Variants in DIAPH1 observed in about 807,000 individuals in gnomAD.
DIAPH1 encodes the protein protein diaphanous homolog 1.
DIAPH1 carries 46 observed loss-of-function variants against 140.7 expected under a neutral mutation model. That is an observed-to-expected ratio of 0.33 (90% CI 0.26 to 0.42). The LOEUF (loss-of-function observed/expected upper bound fraction) is 0.42, where lower values mean the gene tolerates loss of function less well. Among genes scored for constraint, DIAPH1 ranks in the 10% least tolerant of loss-of-function variants. The probability of loss-of-function intolerance (pLI) is 1.00; values close to 1 mark genes in which losing one functional copy is unlikely to be tolerated. For synonymous variants in DIAPH1, 565 were observed against 551.6 expected, an observed-to-expected ratio of 1.02 and a Z score of -0.34; for missense variants, 1,310 against 1,558.7, an observed-to-expected ratio of 0.84 and a Z score of 2.69.
chr5:141,559,302 G>GA (rs1436313714), intron 18 of DIAPH1, among the ~76,000 whole-genome samples: 1 of 152,122 alleles, frequency 6.6e-6, no homozygotes, highest in Non-Finnish European at 1.5e-5. Context: ...ATTATAGAAG[G>GA]AAAAAATATC....
intron 18 of DIAPH1, among the ~76,000 whole-genome samples, chr5:141,547,128 T>C (rs563364474): frequency 6.6e-6 from 1 of 151,942 alleles, no homozygotes; most frequent in Non-Finnish European, 1.5e-5. Context: ...GAGGAAAAAA[T>C]AAAAATAAAT....
rs773306502 is a variant in DIAPH1, at chr5:141,577,146, G to A, written c.1281-275C>T. ...TTTGCGTTTGATCCTTCCTGTGATG[G>A]ATAGTGCTATTGCTAAATCTATACT... is the stretch of plus-strand genomic sequence containing the variant. On this transcript the variant is annotated intron_variant, in intron 12 of 27. Coordinates refer to ENST00000389054, the MANE Select transcript of DIAPH1 (RefSeq NM_005219.5). Among the ~76,000 whole-genome samples the A allele has an allele frequency of 2.9e-4, 44 of 152,254 alleles. 1 individual carries two copies. Among genetic ancestry groups the A allele is most frequent in the Non-Finnish European group, 4.6e-4 (31 of 68,032 alleles).
chr5:141,559,931 A>T (rs938627857), intron 18 of DIAPH1, among the ~76,000 whole-genome samples: 32 of 152,238 alleles, frequency 2.1e-4, no homozygotes, highest in Non-Finnish European at 4.3e-4. Context: ...ATCCCCATGC[A>T]TACATCACTC....
chr5:141,564,862 T>TAACC (rs1251646093), intron 18 of DIAPH1: 12 of 152,236 alleles, frequency 7.9e-5, no homozygotes, highest in Non-Finnish European at 1.6e-4. Context: ...GTAAGAAAGA[T>TAACC]AACCCCTGGT....
chr5:141,550,667 G>A (rs192219691), intron 18 of DIAPH1, among the ~76,000 whole-genome samples: 1 of 152,120 alleles, frequency 6.6e-6, no homozygotes, highest in African/African-American at 2.4e-5. Flanking sequence ...CCAGGCTGGA[G>A]TGCAGTGGCA....
intron 27 of DIAPH1, among the ~76,000 whole-genome samples, chr5:141,520,701 C>A (rs902492177): frequency 6.6e-6 from 1 of 152,098 alleles, no homozygotes; most frequent in African/African-American, 2.4e-5. Context: ...ATGAGAGCAC[C>A]TTCCTGAAGC....
At chr5:141,609,066 C>T (rs557513054) in intron 1 of DIAPH1, among the ~76,000 whole-genome samples, 3 of 148,642 alleles carry the variant, frequency 2.0e-5, no homozygotes, top group East Asian at 2.0e-4. Flanking sequence ...ATGAGCCAAG[C>T]GAAAGATAGG....
intron 1 of DIAPH1, among the ~76,000 whole-genome samples, chr5:141,611,792 C>T (rs1299971319): frequency 6.6e-6 from 1 of 152,136 alleles, no homozygotes; most frequent in Non-Finnish European, 1.5e-5. Context: ...TGCAGCTGGG[C>T]ACAGTGGCTC....
intron 1 of DIAPH1, among the ~76,000 whole-genome samples, chr5:141,606,196 C>T (rs2099900922): frequency 6.6e-6 from 1 of 152,090 alleles, no homozygotes; most frequent in Non-Finnish European, 1.5e-5. Context: ...GCCACTAGTA[C>T]TTTTTGTGGA....
At position 141,527,471 on chromosome 5, in the gene DIAPH1, G is replaced by GA. The variant is rs1246184779; in HGVS notation, c.3273+101dup. 4.5e-6 allele frequency: 6 copies of GA among 1,332,580 alleles called. No homozygotes were observed. In the African/African-American group the frequency reaches 6.0e-5, roughly 13 times the overall value. The allele number at this position is 1,332,580 out of a possible 1,614,324, so 82.5% of individuals were successfully genotyped here. A position where few individuals can be genotyped will look rare whatever the true frequency, so the allele number is the denominator to read the frequency against. On this transcript the variant is annotated intron_variant, in intron 24 of 27. Transcript: ENST00000389054. ...TTTAAAGAAAAAGAGTTTTTTAAGA[G>GA]AAAAAAATTGCATACTGCCCTATCT... is the stretch of plus-strand genomic sequence containing the variant.
At chr5:141,542,235 C>T (rs2099890100) in intron 18 of DIAPH1, among the ~76,000 whole-genome samples, 1 of 152,112 alleles carries the variant, frequency 6.6e-6, no homozygotes, top group Non-Finnish European at 1.5e-5. Context: ...AGTTCGAGAC[C>T]AGCCTGGCCA....
intron 16 of DIAPH1, among the ~76,000 whole-genome samples, chr5:141,572,872 G>A (rs577464552): frequency 2.6e-5 from 4 of 152,236 alleles, no homozygotes; most frequent in African/African-American, 9.6e-5. Context: ...ATTATCAGTA[G>A]TTTGCAGACT....
intron 1 of DIAPH1, among the ~76,000 whole-genome samples, chr5:141,596,538 T>G (rs2154596974): frequency 6.6e-6 from 1 of 152,228 alleles, no homozygotes; most frequent in East Asian, 1.9e-4. Context: ...GAGATGTCTG[T>G]AAATGTAAAA....
At chr5:141,568,048 A>G (rs1304968246) in intron 18 of DIAPH1, among the ~76,000 whole-genome samples, 1 of 152,238 alleles carries the variant, frequency 6.6e-6, no homozygotes, top group Non-Finnish European at 1.5e-5. Context: ...CTAATGTTCC[A>G]TATTGTTTCT....
intron 27 of DIAPH1, among the ~76,000 whole-genome samples, chr5:141,520,093 C>T (rs966782357): frequency 6.6e-6 from 1 of 152,096 alleles, no homozygotes; most frequent in African/African-American, 2.4e-5. Flanking sequence ...AAAACGTAGG[C>T]TAGGAACTAT....
intron 18 of DIAPH1, among the ~76,000 whole-genome samples, chr5:141,541,066 A>AT (rs1438818035): frequency 6.6e-6 from 1 of 152,192 alleles, no homozygotes. Flanking sequence ...GATGGCAGCA[A>AT]TTATAAAATA....
At chr5:141,596,893 T>C (rs2099899408) in intron 1 of DIAPH1, among the ~76,000 whole-genome samples, 4 of 149,768 alleles carry the variant, frequency 2.7e-5, no homozygotes, top group Non-Finnish European at 5.9e-5. Flanking sequence ...AAATAAACAG[T>C]ATGCAACAAG....
At chr5:141,524,320 T>A (rs144915359) in intron 26 of DIAPH1, 91 bp from the exon 27 acceptor site, 2 of 1,204,570 alleles carry the variant, frequency 1.7e-6, no homozygotes, top group Non-Finnish European at 2.5e-6. Context: ...GGCTATTGCT[T>A]GATTTCCCCT....
At chr5:141,583,328 C>A (rs777066288) in intron 5 of DIAPH1, 36 bp from the exon 6 acceptor site, 2 of 1,608,298 alleles carry the variant, frequency 1.2e-6, no homozygotes, top group Non-Finnish European at 1.7e-6. Flanking sequence ...CAATATCAAA[C>A]CAATAAATAC....
Sources: gnomAD v4.1 joint callset for allele counts (sites outside exome capture counted in the v4.1 genomes callset) on GRCh38, gnomAD v4.1.1 for gene constraint, MANE v1.5 for transcripts, NCBI Gene and HGNC (gene_info 2026-07-23, HGNC 2026-07-21) for gene names.